Variants in CREB5 observed in about 807,000 individuals in gnomAD.
CREB5 encodes the protein cAMP responsive element binding protein 5.
A neutral mutation model predicts 57.1 loss-of-function variants in CREB5; 19 were observed. The ratio of observed to expected loss-of-function variants is 0.33; its 90% CI spans 0.23 to 0.49. The LOEUF (loss-of-function observed/expected upper bound fraction) is 0.49, where lower values mean the gene tolerates loss of function less well. CREB5 is among the 20% of genes least tolerant of loss of function. The pLI, the probability that CREB5 is intolerant of heterozygous loss-of-function variation, is 0.99. For missense variants in CREB5, 579 were observed against 671.6 expected (o/e 0.86, Z 1.52); for synonymous variants, 238 against 238.3 (o/e 1.00, Z 0.01).
intron 5 of CREB5, among the ~76,000 whole-genome samples, chr7:28,628,448 T>A (rs891477892): frequency 1.3e-5 from 2 of 152,054 alleles, no homozygotes; most frequent in African/African-American, 4.8e-5. Flanking sequence ...CTCAAAACCT[T>A]CCAGAAGATG....
intron 5 of CREB5, among the ~76,000 whole-genome samples, chr7:28,654,852 T>C (rs1799274936): frequency 6.6e-6 from 1 of 152,128 alleles, no homozygotes; most frequent in African/African-American, 2.4e-5. Context: ...AAGACCCCCG[T>C]GACCTTTGGA....
Position 28,789,202 on chromosome 7 carries a change from C to T in CREB5, c.703-14997C>T, listed in dbSNP as rs73308843. Reference sequence around the variant, plus strand: ...GTACTGCATTGAGTTTGTTTTCATGCTTGTTGTTTTATAGGTATTATATGA... The same window carrying T: ...GTACTGCATTGAGTTTGTTTTCATGTTTGTTGTTTTATAGGTATTATATGA... On this transcript the variant is annotated intron_variant, in intron 7 of 10. Transcript: ENST00000357727. Among the ~76,000 whole-genome samples the T allele has an allele frequency of 6.7e-3, 1,015 of 152,268 alleles. 17 individuals are homozygous for T. Among genetic ancestry groups the T allele is most frequent in the African/African-American group, 0.024 (978 of 41,546 alleles).
chr7:28,405,195 G>C (rs1787552161), intron 1 of CREB5, among the ~76,000 whole-genome samples: 1 of 152,140 alleles, frequency 6.6e-6, no homozygotes, highest in Admixed American at 6.5e-5. Context: ...ATTTTAGAAG[G>C]GATGGAAACT....
At chr7:28,432,372 G>A (rs1310343105) in intron 1 of CREB5, among the ~76,000 whole-genome samples, 3 of 152,150 alleles carry the variant, frequency 2.0e-5, no homozygotes, top group Admixed American at 6.5e-5. Context: ...TCATTTTTCG[G>A]TTGTGTCATC....
chr7:28,509,960 A>G (rs1792635388), intron 4 of CREB5, among the ~76,000 whole-genome samples: 1 of 152,180 alleles, frequency 6.6e-6, no homozygotes, highest in South Asian at 2.1e-4. Flanking sequence ...CATTCAAACC[A>G]GAGGGGCCAA....
intron 1 of CREB5, among the ~76,000 whole-genome samples, chr7:28,444,014 A>G (rs1026332647): frequency 6.6e-6 from 1 of 152,316 alleles, no homozygotes; most frequent in Non-Finnish European, 1.5e-5. Flanking sequence ...GATTAAACAT[A>G]AAAAATTTTG....
intron 5 of CREB5, among the ~76,000 whole-genome samples, chr7:28,671,240 A>C (rs4722833): frequency 0.21 from 32,081 of 150,762 alleles, 3,745 homozygotes; most frequent in Non-Finnish European, 0.26. Flanking sequence ...TGGGTGACAG[A>C]GTGAGACCCT....
At chr7:28,474,440 GT>G (rs1790974569) in intron 1 of CREB5, among the ~76,000 whole-genome samples, 1 of 152,188 alleles carries the variant, frequency 6.6e-6, no homozygotes, top group Non-Finnish European at 1.5e-5. Context: ...AAAATAACAT[GT>G]TTTCCTTGCC....
chr7:28,493,770 T>G (rs775738692), intron 2 of CREB5, among the ~76,000 whole-genome samples: 62 of 152,218 alleles, frequency 4.1e-4, no homozygotes, highest in Non-Finnish European at 7.1e-4. Flanking sequence ...GGGAGCAGCA[T>G]TTTTGATAAC....
intron 5 of CREB5, among the ~76,000 whole-genome samples, chr7:28,608,084 C>A (rs41274): frequency 0.5 from 73,119 of 146,998 alleles, 18,636 homozygotes; most frequent in East Asian, 0.62. Flanking sequence ...ACACCCATGC[C>A]TCTCTCTCTG....
intron 1 of CREB5, among the ~76,000 whole-genome samples, chr7:28,470,784 A>G (rs1790773055): frequency 6.6e-6 from 1 of 152,182 alleles, no homozygotes; most frequent in Non-Finnish European, 1.5e-5. Flanking sequence ...CTGGGGCAAG[A>G]TAGTATCTCA....
At chr7:28,586,578 A>C (rs1796315351) in intron 5 of CREB5, among the ~76,000 whole-genome samples, 1 of 152,182 alleles carries the variant, frequency 6.6e-6, no homozygotes, top group Non-Finnish European at 1.5e-5. Context: ...GAGAATTATA[A>C]GGGCGAAGAA....
chr7:28,624,855 A>G (rs1394677423), intron 5 of CREB5, among the ~76,000 whole-genome samples: 6 of 152,102 alleles, frequency 3.9e-5, no homozygotes, highest in Admixed American at 2.6e-4. Context: ...TGCTTGGAGC[A>G]TCAGCTTCAG....
intron 4 of CREB5, among the ~76,000 whole-genome samples, chr7:28,560,891 T>TGTGCGC (rs1795148771): frequency 1.0e-4 from 2 of 19,726 alleles, no homozygotes; most frequent in African/African-American, 2.2e-4. Context: ...TGCGTGCGTG[T>TGTGCGC]GTGTGCGTGC....
chr7:28,623,686 C>T (rs547350810), intron 5 of CREB5, among the ~76,000 whole-genome samples: 46 of 152,240 alleles, frequency 3.0e-4, no homozygotes, highest in Admixed American at 1.1e-3. Context: ...CCATTTGATT[C>T]CCCTGCCCGT....
At chr7:28,762,046 G>C in intron 7 of CREB5, among the ~76,000 whole-genome samples, 1 of 152,078 alleles carries the variant, frequency 6.6e-6, no homozygotes, top group African/African-American at 2.4e-5. Context: ...TTTGTAATGA[G>C]GAGAAAGGCA....
At chr7:28,733,831 T>C (rs985986822) in intron 7 of CREB5, among the ~76,000 whole-genome samples, 2 of 152,160 alleles carry the variant, frequency 1.3e-5, no homozygotes, top group African/African-American at 2.4e-5. Context: ...GATAAACTAA[T>C]TGAGATGGTG....
upstream of CREB5, chr7:28,410,517 T>C (rs1787737181): frequency 2.2e-6 from 1 of 456,628 alleles, no homozygotes; most frequent in East Asian, 7.0e-5. Context: ...TTCTTTGCCA[T>C]AGATTTATTT....
At chr7:28,535,922 G>A (rs533656224) in intron 4 of CREB5, among the ~76,000 whole-genome samples, 118 of 151,948 alleles carry the variant, frequency 7.8e-4, no homozygotes, top group African/African-American at 1.7e-3. Flanking sequence ...CTAAAAGGAC[G>A]GAAAATGAAA....
Sources: gnomAD v4.1 joint callset for allele counts (sites outside exome capture counted in the v4.1 genomes callset) on GRCh38, gnomAD v4.1.1 for gene constraint, MANE v1.5 for transcripts, NCBI Gene and HGNC (gene_info 2026-07-23, HGNC 2026-07-21) for gene names.